Variants in EIF4E3 observed in about 807,000 individuals in gnomAD.
The protein encoded by EIF4E3 is eukaryotic translation initiation factor 4E family member 3, also known as eukaryotic translation initiation factor 4E type 3.
In EIF4E3, 26 loss-of-function variants were observed where a neutral mutation model predicts 31.7. The observed-to-expected ratio is 0.82, with a 90% CI of 0.60 to 1.14. The LOEUF is 1.14. Ranked by LOEUF, EIF4E3 falls within the 50% of genes most tolerant of loss-of-function variation. EIF4E3 has a pLI of 0.00. For synonymous variants in EIF4E3, 128 were observed against 107.7 expected, an observed-to-expected ratio of 1.19 and a Z score of -1.17; for missense variants, 304 against 270.9, an observed-to-expected ratio of 1.12 and a Z score of -0.86.
chr3:71,745,335 G>T (rs1435546376), intron 1 of EIF4E3, among the ~76,000 whole-genome samples: 3 of 152,128 alleles, frequency 2.0e-5, no homozygotes, highest in Non-Finnish European at 4.4e-5. Context: ...TTTATTACAA[G>T]GAACTCGTTG....
rs748645896 is a variant in EIF4E3 at position 71,675,569 on chromosome 3, T to C, written c.*9113A>G. ...AAACATGCATTTTTTCCACATAATA[T>C]ATGGAATGAAGAAAAGATCATTGAT... On this transcript the variant is annotated 3_prime_UTR_variant, in exon 7 of 7. Coordinates refer to ENST00000425534, the MANE Select transcript of EIF4E3 (RefSeq NM_001134651.2). 3.9e-5 allele frequency: 6 copies of C among 152,180 alleles called. No homozygotes were observed. The highest frequency in any genetic ancestry group is 6.5e-5 in the Admixed American group (1 of 15,276). 9.4% of individuals were successfully genotyped at this position (152,180 alleles called of 1,614,324 possible). A position where few individuals can be genotyped will look rare whatever the true frequency, so the allele number is the denominator to read the frequency against.
intron 1 of EIF4E3, among the ~76,000 whole-genome samples, chr3:71,734,398 A>C (rs1199511887): frequency 6.6e-6 from 1 of 152,224 alleles, no homozygotes; most frequent in African/African-American, 2.4e-5. Flanking sequence ...ACTGTGAATT[A>C]TCCTAAATTT....
chr3:71,712,644 G>GGGGGGGGGGGGC (rs35405190), intron 1 of EIF4E3, among the ~76,000 whole-genome samples: 4 of 123,986 alleles, frequency 3.2e-5, no homozygotes, highest in Non-Finnish European at 4.9e-5. Flanking sequence ...GTGGGCGGGG[G>GGGGGGGGGGGGC]AGATTCTAGG....
intron 2 of EIF4E3, among the ~76,000 whole-genome samples, chr3:71,709,225 C>G (rs1032844764): frequency 2.0e-5 from 3 of 152,116 alleles, no homozygotes; most frequent in Admixed American, 6.5e-5. Context: ...AAAATCTCTC[C>G]CTTCTAGAAA....
downstream of EIF4E3, among the ~76,000 whole-genome samples, chr3:71,674,309 G>T (rs566527048): frequency 6.6e-6 from 1 of 151,582 alleles, no homozygotes; most frequent in Non-Finnish European, 1.5e-5. Context: ...GTTTCACCAT[G>T]TTGGCCGGGC....
chr3:71,745,300 A>G (rs2049860394), intron 1 of EIF4E3, among the ~76,000 whole-genome samples: 1 of 152,216 alleles, frequency 6.6e-6, no homozygotes, highest in Non-Finnish European at 1.5e-5. Context: ...GAGGGTGGGC[A>G]TTTAAAAGAG....
intron 1 of EIF4E3, among the ~76,000 whole-genome samples, chr3:71,715,829 A>AT (rs1228877206): frequency 2.0e-5 from 3 of 152,208 alleles, no homozygotes; most frequent in Non-Finnish European, 4.4e-5. Context: ...TCCTACAGCA[A>AT]TCCTGTCAGG....
intron 4 of EIF4E3, among the ~76,000 whole-genome samples, chr3:71,694,655 A>G (rs7620998): frequency 0.31 from 46,569 of 152,032 alleles, 7,266 homozygotes; most frequent in South Asian, 0.35. Flanking sequence ...TCTTGGTCCC[A>G]TTTATCCTCC....
At chr3:71,723,650 C>T (rs1429172419) in intron 1 of EIF4E3, among the ~76,000 whole-genome samples, 2 of 152,182 alleles carry the variant, frequency 1.3e-5, no homozygotes, top group Non-Finnish European at 2.9e-5. Context: ...ACTGTTTCCA[C>T]CAGTCAGCAG....
chr3:71,659,509 T>C, the EIF4E3 span, among the ~76,000 whole-genome samples: 2 of 152,230 alleles, frequency 1.3e-5, no homozygotes, highest in East Asian at 3.8e-4. Flanking sequence ...GTGATTCTTA[T>C]GTTTGGGCAC....
At chr3:71,711,827 A>G (rs2049383586) in intron 1 of EIF4E3, among the ~76,000 whole-genome samples, 1 of 152,106 alleles carries the variant, frequency 6.6e-6, no homozygotes, top group African/African-American at 2.4e-5. Flanking sequence ...AATTATTAAT[A>G]CAAAAATAAG....
In EIF4E3 at chr3:71,685,015, G is replaced by C. The variant is rs562142116; in HGVS notation, c.629-287C>G. 2.4e-4 allele frequency among the ~76,000 whole-genome samples: 36 copies of C among 152,312 alleles called. No individual in the cohort carries two copies. The East Asian group carries it at 6.2e-3, about 26-fold the overall frequency. ...TGAGTCATCTCAGCAAGCCGATGAA[G>C]AGAGTATGTTGGGCTGCAAGCAAAT... On this transcript the variant is annotated intron_variant, in intron 6 of 6. Coordinates refer to ENST00000425534, the MANE Select transcript of EIF4E3 (RefSeq NM_001134651.2).
intron 1 of EIF4E3, among the ~76,000 whole-genome samples, chr3:71,734,993 GA>G (rs2049746799): frequency 6.6e-6 from 1 of 152,068 alleles, no homozygotes; most frequent in Admixed American, 6.5e-5. Context: ...GAAATTATTG[GA>G]ATTAAGAAAC....
intron 1 of EIF4E3, among the ~76,000 whole-genome samples, chr3:71,746,644 GGT>G (rs2049876127): frequency 6.6e-6 from 1 of 152,128 alleles, no homozygotes; most frequent in African/African-American, 2.4e-5. Flanking sequence ...AGGCCACAGA[GGT>G]GACCTCACTT....
At chr3:71,705,475 T>C (rs556343538) in intron 2 of EIF4E3, among the ~76,000 whole-genome samples, 1 of 152,332 alleles carries the variant, frequency 6.6e-6, no homozygotes, top group South Asian at 2.1e-4. Flanking sequence ...TGATAAACGA[T>C]GCTGAATTTC....
At chr3:71,694,835 A>G (rs2049112706) in intron 4 of EIF4E3, among the ~76,000 whole-genome samples, 1 of 152,204 alleles carries the variant, frequency 6.6e-6, no homozygotes. Context: ...TGGGTATGAA[A>G]TTAGTCAACA....
chr3:71,690,172 G>T lies in EIF4E3; in HGVS notation c.473-7C>A. 1 of 1,591,716 alleles carries T rather than the reference G, an allele frequency of 6.3e-7. No homozygotes were observed. Among genetic ancestry groups the T allele is most frequent in the East Asian group, 2.3e-5 (1 of 44,296 alleles). On this transcript the variant is annotated splice_region_variant and splice_polypyrimidine_tract_variant and intron_variant, in intron 5 of 6. Coordinates refer to ENST00000425534, the MANE Select transcript of EIF4E3 (RefSeq NM_001134651.2). ...ACTCCTATTACTTCATCATCTGAGG[G>T]GAAGACAGGAAAAAAAAAAAATGAG...
chr3:71,733,506 T>A (rs537377825), intron 1 of EIF4E3, among the ~76,000 whole-genome samples: 57 of 152,258 alleles, frequency 3.7e-4, no homozygotes, highest in African/African-American at 1.3e-3. Context: ...ACATAAGAAA[T>A]CTTGATACAG....
In EIF4E3 at chr3:71,696,474, G is replaced by A; in HGVS notation, c.391C>T (p.Pro131Ser). Residue 131 changes from proline (P) to serine (S), a missense_variant, in exon 4 of 7, where the codon CCC (proline) becomes TCC (serine). Coordinates refer to ENST00000425534, the MANE Select transcript of EIF4E3 (RefSeq NM_001134651.2). ...TAGGAACCTACCGTGCTGTCCTTGG[G>A]GACTTTCATCTTCCATACGCCACCC... Reference protein sequence around the residue: ...AKGGVWKMKVPKDSTSTVWKE... With the variant: ...AKGGVWKMKVSKDSTSTVWKE... 6.2e-7 allele frequency: 1 copy of A among 1,614,016 alleles called. No homozygotes were observed. Among genetic ancestry groups the A allele is most frequent in the Non-Finnish European group, 8.5e-7 (1 of 1,179,994 alleles).
Sources: allele counts gnomAD v4.1 joint callset (sites outside exome capture counted in the v4.1 genomes callset), GRCh38; gene constraint gnomAD v4.1.1; transcripts MANE v1.5; gene names NCBI Gene and HGNC (gene_info 2026-07-23, HGNC 2026-07-21).